The following LRP6 variants were observed in gnomAD, a reference collection of about 807,000 sequenced individuals.
The protein encoded by LRP6 is LDL receptor related protein 6.
A neutral mutation model predicts 184.1 loss-of-function variants in LRP6; 43 were observed. The ratio of observed to expected loss-of-function variants is 0.23; its 90% CI spans 0.18 to 0.30. LRP6 has a LOEUF of 0.30. Among genes scored for constraint, LRP6 ranks in the 10% least tolerant of loss-of-function variants. The pLI, the probability that LRP6 is intolerant of heterozygous loss-of-function variation, is 1.00. For missense variants in LRP6, 1,571 were observed against 2,005.3 expected (o/e 0.78, Z 4.14); for synonymous variants, 719 against 684.9 (o/e 1.05, Z -0.78).
Position 12,184,379 on chromosome 12 carries a change from AG to A in LRP6, c.845-269del, listed in dbSNP as rs11312829. Among the ~76,000 whole-genome samples, 61,080 of 141,750 alleles carry A rather than the reference AG, an allele frequency of 0.43. 14,928 individuals are homozygous for A. The highest frequency in any genetic ancestry group is 0.76 in the East Asian group (3,877 of 5,104). 93.0% of individuals were successfully genotyped at this position (141,750 alleles called of 152,430 possible). A position where few individuals can be genotyped will look rare whatever the true frequency, so the allele number is the denominator to read the frequency against. ...AGTCAGTTAAACAAAATTAACAAAA[AG>A]CAAAACTAAAAACAAACAAACAAAC... On this transcript the variant is annotated intron_variant, in intron 4 of 22. Coordinates refer to ENST00000261349, the MANE Select transcript of LRP6 (RefSeq NM_002336.3).
chr12:12,158,233 T>C (rs982776809), intron 12 of LRP6, among the ~76,000 whole-genome samples: 5 of 152,262 alleles, frequency 3.3e-5, no homozygotes, highest in African/African-American at 1.2e-4. Flanking sequence ...TTTTACTGTT[T>C]GTAATGTTCT....
intron 3 of LRP6, among the ~76,000 whole-genome samples, chr12:12,195,543 C>T (rs558411433): frequency 6.6e-6 from 1 of 151,808 alleles, no homozygotes; most frequent in African/African-American, 2.4e-5. Context: ...TTTAACCAAA[C>T]TGGTTTTTTG....
At chr12:12,237,333 A>C (rs749746329) in intron 2 of LRP6, among the ~76,000 whole-genome samples, 3 of 152,236 alleles carry the variant, frequency 2.0e-5, no homozygotes, top group Non-Finnish European at 4.4e-5. Context: ...GCTCTACGTT[A>C]AGGTAGAAAG....
rs950499135 is a variant in LRP6 at position 12,135,232 on chromosome 12, T to C, written c.3676A>G (p.Thr1226Ala). The change falls in exon 17 of 23, where the codon ACA becomes GCA. Residue 1226 changes from threonine (T) to alanine (A), a missense_variant. Around this residue, in one of 4 missense-constraint regions of LRP6, gnomAD observed 763 missense variants for 859.5 expected, o/e 0.89. Transcript: ENST00000261349. ...HICLVKGDGTTRCSCPMHLVL... is the reference protein window; with the variant it reads ...HICLVKGDGTARCSCPMHLVL... Reference sequence around the variant, plus strand: ...AGGTGCATGGGGCAAGAACACCTTGTAGTACCATCCCCCTTTACAAGACAA... The same window carrying C: ...AGGTGCATGGGGCAAGAACACCTTGCAGTACCATCCCCCTTTACAAGACAA... The C allele has an allele frequency of 6.2e-7, 1 of 1,613,770 alleles. No individual in the cohort carries two copies. Among genetic ancestry groups the C allele is most frequent in the Non-Finnish European group, 8.5e-7 (1 of 1,179,884 alleles).
intron 7 of LRP6, among the ~76,000 whole-genome samples, chr12:12,173,671 C>A (rs117139985): frequency 0.011 from 1,625 of 152,090 alleles, 19 homozygotes; most frequent in South Asian, 0.02. Flanking sequence ...AGCCGGGGAT[C>A]TCACTATATT....
At chr12:12,261,286 GGC>G (rs779089698) in intron 1 of LRP6, among the ~76,000 whole-genome samples, 1 of 151,980 alleles carries the variant, frequency 6.6e-6, no homozygotes, top group Non-Finnish European at 1.5e-5. Flanking sequence ...CGGGCGTGGT[GGC>G]GGGCGCCTAT....
At chr12:12,232,380 T>C (rs1864814530) in intron 2 of LRP6, among the ~76,000 whole-genome samples, 1 of 146,560 alleles carries the variant, frequency 6.8e-6, no homozygotes, top group Admixed American at 6.8e-5. Context: ...TGAGACGCTG[T>C]CTCAAAAAAA....
At chr12:12,253,939 T>G (rs1284668063) in intron 1 of LRP6, among the ~76,000 whole-genome samples, 1 of 150,568 alleles carries the variant, frequency 6.6e-6, no homozygotes, top group Non-Finnish European at 1.5e-5. Flanking sequence ...AGCCCAAGAG[T>G]TCGAGACCAG....
intron 1 of LRP6, among the ~76,000 whole-genome samples, chr12:12,248,611 A>T (rs1865247480): frequency 6.7e-6 from 1 of 149,816 alleles, no homozygotes. Flanking sequence ...CCTCCCGAGT[A>T]GCTGGGACTA....
At chr12:12,139,692 C>G (rs918225517) in intron 15 of LRP6, among the ~76,000 whole-genome samples, 24 of 151,844 alleles carry the variant, frequency 1.6e-4, no homozygotes, top group Middle Eastern at 6.8e-3. Flanking sequence ...TGCACTGCAG[C>G]CTGGGTGACA....
intron 1 of LRP6, among the ~76,000 whole-genome samples, chr12:12,257,128 T>C (rs73057431): frequency 0.016 from 2,373 of 152,254 alleles, 26 homozygotes; most frequent in Non-Finnish European, 0.025. Context: ...GGGAAATGTA[T>C]GGGTTTTGAG....
At chr12:12,202,203 T>C (rs966415993) in intron 3 of LRP6, among the ~76,000 whole-genome samples, 1 of 152,272 alleles carries the variant, frequency 6.6e-6, no homozygotes, top group Non-Finnish European at 1.5e-5. Flanking sequence ...TTTCTCCTTG[T>C]CCAGAGATGA....
intron 12 of LRP6, among the ~76,000 whole-genome samples, chr12:12,157,767 CT>C (rs1862633361): frequency 1.3e-5 from 2 of 152,142 alleles, no homozygotes; most frequent in Admixed American, 6.5e-5. Context: ...CCCTACACCC[CT>C]CCCATAATCT....
intron 12 of LRP6, among the ~76,000 whole-genome samples, chr12:12,158,214 G>A (rs577267672): frequency 2.2e-4 from 34 of 152,226 alleles, no homozygotes; most frequent in African/African-American, 6.7e-4. Context: ...TGTGTTTTGC[G>A]ATTCACTGTT....
At chr12:12,162,922 G>A (rs1307938641) in intron 9 of LRP6, among the ~76,000 whole-genome samples, 3 of 152,022 alleles carry the variant, frequency 2.0e-5, no homozygotes, top group Non-Finnish European at 2.9e-5. Flanking sequence ...TCCTAAGTAC[G>A]TTTTGTCCGT....
At chr12:12,190,467 A>C (rs902038823) in intron 3 of LRP6, among the ~76,000 whole-genome samples, 6 of 152,218 alleles carry the variant, frequency 3.9e-5, no homozygotes, top group African/African-American at 1.4e-4. Context: ...ATCTCTGAGC[A>C]TCATCTCCTG....
intron 13 of LRP6, among the ~76,000 whole-genome samples, 157 bp from the exon 14 acceptor site, chr12:12,149,310 T>C (rs1180627800): frequency 6.6e-6 from 1 of 152,140 alleles, no homozygotes; most frequent in Non-Finnish European, 1.5e-5. Context: ...TTATGGGTAA[T>C]GTGCTTCTTT....
chr12:12,197,305 C>T (rs553563079), intron 3 of LRP6, among the ~76,000 whole-genome samples: 1 of 152,194 alleles, frequency 6.6e-6, no homozygotes, highest in African/African-American at 2.4e-5. Context: ...CATTTCTTGC[C>T]CAAAACCTAG....
chr12:12,244,795 A>AAG lies in LRP6; in HGVS notation c.56-141_56-140insCT, dbSNP rs1865145597. The AAG allele has an allele frequency of 6.7e-6, 5 of 743,972 alleles. No individual in the cohort carries two copies. In the Admixed American group the frequency reaches 1.5e-4, roughly 22 times the overall value. The allele number at this position is 743,972 out of a possible 1,614,324, so 46.1% of individuals were successfully genotyped here. A position where few individuals can be genotyped will look rare whatever the true frequency, so the allele number is the denominator to read the frequency against. ...TAAATAAATCATTAGGAGACCATCTAAACTTCACACACAAAATATTATTTT... is the reference window on the plus strand; with the variant it reads ...TAAATAAATCATTAGGAGACCATCTAAGAACTTCACACACAAAATATTATTTT... On this transcript the variant is annotated intron_variant, in intron 1 of 22. Transcript: ENST00000261349.
Sources: allele counts gnomAD v4.1 joint callset (sites outside exome capture counted in the v4.1 genomes callset), GRCh38; gene constraint gnomAD v4.1.1; regional missense constraint gnomAD v4.1.1; transcripts MANE v1.5; gene names NCBI Gene and HGNC (gene_info 2026-07-23, HGNC 2026-07-21).